Variants in CNTNAP1 observed in about 807,000 individuals in gnomAD.
CNTNAP1 encodes contactin-associated protein 1.
A neutral mutation model predicts 161.5 loss-of-function variants in CNTNAP1; 80 were observed. The ratio of observed to expected loss-of-function variants is 0.50; its 90% CI spans 0.41 to 0.60. The LOEUF is 0.60. Ranked by LOEUF, CNTNAP1 falls within the 20% of genes least tolerant of loss-of-function variation. The pLI, the probability that CNTNAP1 is intolerant of heterozygous loss-of-function variation, is 0.00. For missense variants in CNTNAP1, 1,464 were observed against 1,854.8 expected (o/e 0.79, Z 3.87); for synonymous variants, 695 against 733.1 (o/e 0.95, Z 0.84).
At position 42,685,541 on chromosome 17, in the gene CNTNAP1, A is replaced by G; in HGVS notation, c.715+121A>G. On this transcript the variant is annotated intron_variant, in intron 5 of 23. Transcript: ENST00000264638. This position sits in a 1 kb window ranked among gnomAD's most constrained non-coding sequence, Gnocchi z 5.0. ...GGTCTTCCACTTCTCTAAGGCCTGG[A>G]CCAAACTGCCCCTTTCTTGTAGCAT... The G allele has an allele frequency of 1.1e-6, 1 of 919,702 alleles. No homozygotes were observed. 57.0% of individuals were successfully genotyped at this position (919,702 alleles called of 1,614,324 possible).
In CNTNAP1 at chr17:42,683,899, C is replaced by G; in HGVS notation, c.146C>G (p.Ala49Gly). ...TCCTCCTACTACAGTCTCCTTACTG[C>G]GCCGAGATTCGCCAGGCTGCACGGT... ...GASSYYSLLT[A>G]PRFARLHGIS... Residue 49 changes from alanine to glycine, a missense_variant, in exon 2 of 24, where the codon GCG becomes GGG. Around this residue, in one of 3 missense-constraint regions of CNTNAP1, gnomAD observed 77 missense variants for 73.6 expected, o/e 1.05. Transcript: ENST00000264638. 1.2e-6 allele frequency: 2 copies of G among 1,613,682 alleles called. No individual in the cohort carries two copies. The highest frequency in any genetic ancestry group is 2.2e-5 in the South Asian group (2 of 91,084).
In CNTNAP1 at chr17:42,693,556, G is replaced by T. The variant is rs376191369; in HGVS notation, c.2992+20G>T. The T allele has an allele frequency of 6.2e-7, 1 of 1,608,422 alleles. No homozygotes were observed. Among genetic ancestry groups the T allele is most frequent in the Admixed American group, 1.7e-5 (1 of 59,948 alleles). On this transcript the variant is annotated intron_variant, in intron 18 of 23. Coordinates refer to ENST00000264638, the MANE Select transcript of CNTNAP1 (RefSeq NM_003632.3). ...ACCACGGTAAGTGCTGCTGGTTATG[G>T]GGCAACAGGGAGCCATAGGGTGTAA... is the stretch of plus-strand genomic sequence containing the variant.
In CNTNAP1 at chr17:42,690,764, G is replaced by A. The variant is rs2053075085; in HGVS notation, c.1881G>A (p.Arg627=). ...IRENRAWTVV[R]HDRLWTTRVT... is the part of the protein sequence containing the mutation. ...AGAACCGAGCGTGGACAGTTGTGCGGCATGACAGGCTGTGGACAACTCGAG... is the reference window on the plus strand; with the variant it reads ...AGAACCGAGCGTGGACAGTTGTGCGACATGACAGGCTGTGGACAACTCGAG... Residue 627 remains arginine (R), a synonymous_variant, in exon 13 of 24, where the codon CGG becomes CGA. Transcript: ENST00000264638. The A allele has an allele frequency of 6.2e-7, 1 of 1,614,084 alleles. No individual in the cohort carries two copies. The highest frequency in any genetic ancestry group is 1.3e-5 in the African/African-American group (1 of 74,926).
chr17:42,686,474 T>TTTTTTG (rs2053013119), intron 6 of CNTNAP1, among the ~76,000 whole-genome samples: 1 of 110,576 alleles, frequency 9.0e-6, no homozygotes, highest in Admixed American at 8.5e-5. Flanking sequence ...GGCCTGTTTT[T>TTTTTTG]TTTTTTTTTT....
chr17:42,698,546 T>G, intron 23 of CNTNAP1, 72 bp from the exon 24 acceptor site: 1 of 1,229,808 alleles, frequency 8.1e-7, no homozygotes, highest in Non-Finnish European at 1.1e-6. Flanking sequence ...TGTGTGTGTG[T>G]GTGTGTGTGT....
chr17:42,692,667 C>G lies in CNTNAP1; in HGVS notation c.2699C>G (p.Pro900Arg). Residue 900 changes from proline (P) to arginine (R), a missense_variant, in exon 17 of 24, where the codon CCT (proline) becomes CGT (arginine). Physicochemically the swap from Pro to Arg is moderately radical, Grantham distance 103. Around this residue, in one of 3 missense-constraint regions of CNTNAP1, gnomAD observed 1,383 missense variants for 1,765.0 expected, o/e 0.78. Coordinates refer to ENST00000264638, the MANE Select transcript of CNTNAP1 (RefSeq NM_003632.3). The part of the protein sequence containing the change: ...RVDHRPWVLR[P>R]MPLQTYIWME... The stretch of plus-strand genomic sequence containing the variant: ...GATCACCGGCCCTGGGTTCTGCGGC[C>G]TATGCCACTGCAGACCTACATCTGG... 2 of 1,614,174 alleles carry G rather than the reference C, an allele frequency of 1.2e-6. No individual in the cohort carries two copies. Among genetic ancestry groups the G allele is most frequent in the Non-Finnish European group, 1.7e-6 (2 of 1,180,028 alleles).
rs1173344930 is a variant in CNTNAP1 at position 42,687,176 on chromosome 17, G to A, written c.1044+130G>A. On this transcript the variant is annotated intron_variant, in intron 7 of 23. Transcript: ENST00000264638. The surrounding 1 kb of genome is among the most constrained non-coding windows in gnomAD (Gnocchi z 4.7). ...CCTCTGTCCCCAGCCAGATGCTCAAGTTGGGAGGGGAGCGGGTCTCACCTG... is the reference window on the plus strand; with the variant it reads ...CCTCTGTCCCCAGCCAGATGCTCAAATTGGGAGGGGAGCGGGTCTCACCTG... The A allele has an allele frequency of 1.5e-6, 2 of 1,333,726 alleles. No individual in the cohort carries two copies. The highest frequency in any genetic ancestry group is 1.0e-6 in the Non-Finnish European group (1 of 982,454). The allele number at this position is 1,333,726 out of a possible 1,614,324, so 82.6% of individuals were successfully genotyped here. A position where few individuals can be genotyped will look rare whatever the true frequency, so the allele number is the denominator to read the frequency against.
In CNTNAP1 at chr17:42,692,694, T is replaced by C. The variant is rs765906970; in HGVS notation, c.2726T>C (p.Met909Thr). 1.9e-6 allele frequency: 3 copies of C among 1,613,734 alleles called. No homozygotes were observed. Among genetic ancestry groups the C allele is most frequent in the East Asian group, 2.2e-5 (1 of 44,872 alleles). Residue 909 changes from methionine (M) to threonine (T), a missense_variant, in exon 17 of 24, where the codon ATG becomes ACG. By Grantham distance (81) the Met-to-Thr change is moderately conservative. Transcript: ENST00000264638. ...ATGCCACTGCAGACCTACATCTGGATGGAGTATGACCAGCCCCTCTATGTG... is the reference window on the plus strand; with the variant it reads ...ATGCCACTGCAGACCTACATCTGGACGGAGTATGACCAGCCCCTCTATGTG... ...RPMPLQTYIW[M>T]EYDQPLYVGS...
At position 42,689,633 on chromosome 17, in the gene CNTNAP1, C is replaced by A. The variant is rs776009772; in HGVS notation, c.1735+6C>A. The A allele has an allele frequency of 6.2e-7, 1 of 1,611,074 alleles. No individual in the cohort carries two copies. The highest frequency in any genetic ancestry group is 1.1e-5 in the South Asian group (1 of 90,982). ...GGGAGAGACCTGCCACACACGTAAGCCAGATGTGGTATGGGGGGAGTCAGG... is the reference window on the plus strand; with the variant it reads ...GGGAGAGACCTGCCACACACGTAAGACAGATGTGGTATGGGGGGAGTCAGG... On this transcript the variant is annotated splice_donor_region_variant and intron_variant, in intron 11 of 23. Coordinates refer to ENST00000264638, the MANE Select transcript of CNTNAP1 (RefSeq NM_003632.3).
intron 18 of CNTNAP1, 98 bp downstream of exon 18, chr17:42,693,634 AAAAT>A (rs2053119909): frequency 1.3e-6 from 2 of 1,513,840 alleles, no homozygotes; most frequent in Non-Finnish European, 1.8e-6. Flanking sequence ...CATATCATGG[AAAAT>A]TAGAGTTGTC....
At chr17:42,688,051 T>G in intron 8 of CNTNAP1, 70 bp downstream of exon 8, 1 of 1,553,178 alleles carries the variant, frequency 6.4e-7, no homozygotes, top group Non-Finnish European at 8.7e-7. Flanking sequence ...GTTGTAGGCC[T>G]GGACTGAGGC....
chr17:42,694,176 C>CTT (rs1335535599), intron 18 of CNTNAP1, among the ~76,000 whole-genome samples: 2 of 142,202 alleles, frequency 1.4e-5, no homozygotes, highest in African/African-American at 2.6e-5. Flanking sequence ...TTTCTTTTTT[C>CTT]TTTTTTTTTT....
chr17:42,688,861 G>C lies in CNTNAP1; in HGVS notation c.1457-15G>C. On this transcript the variant is annotated splice_polypyrimidine_tract_variant and intron_variant, in intron 9 of 23. Transcript: ENST00000264638. ...GTCTCCCCTGGGGAGGATCTCACAG[G>C]GGTGGTTGCTCCAGGTTGTCCCAAG... 6.2e-7 allele frequency: 1 copy of C among 1,613,708 alleles called. No homozygotes were observed. The highest frequency in any genetic ancestry group is 8.5e-7 in the Non-Finnish European group (1 of 1,179,900).
At position 42,687,863 on chromosome 17, in the gene CNTNAP1, G is replaced by T. The variant is rs776217314; in HGVS notation, c.1188G>T (p.Gly396=). 3.8e-5 allele frequency: 61 copies of T among 1,614,126 alleles called. No individual in the cohort carries two copies. The highest frequency in any genetic ancestry group is 4.8e-5 in the Non-Finnish European group (57 of 1,180,058). Reference sequence around the variant, plus strand: ...GCTTCCGCACCTGGGACCTCACCGGGCTTCTCCTTTTCTCCCGTCTGGGGG... The same window carrying T: ...GCTTCCGCACCTGGGACCTCACCGGTCTTCTCCTTTTCTCCCGTCTGGGGG... ...SFRFRTWDLT[G]LLLFSRLGDG... The change falls in exon 8 of 24, where the codon GGG becomes GGT. Residue 396 remains glycine, a synonymous_variant. Coordinates refer to ENST00000264638, the MANE Select transcript of CNTNAP1 (RefSeq NM_003632.3). The surrounding 1 kb of genome is among the most constrained non-coding windows in gnomAD (Gnocchi z 4.7).
At position 42,699,755 on chromosome 17, in the gene CNTNAP1, CT is replaced by C. The variant is rs1352147455; in HGVS notation, c.*846del. On this transcript the variant is annotated 3_prime_UTR_variant, in exon 24 of 24. Transcript: ENST00000264638. ...TGCAAAGTGTCTCTCTAGAGAAACT[CT>C]ATATATTATTCGAATTTTTAAATTA... 1 of 152,608 alleles carries C rather than the reference CT, an allele frequency of 6.6e-6. No individual in the cohort carries two copies. The highest frequency in any genetic ancestry group is 1.5e-5 in the Non-Finnish European group (1 of 68,042). 9.5% of individuals were successfully genotyped at this position (152,608 alleles called of 1,614,324 possible).
At chr17:42,683,415 T>C (rs2143643323) in intron 1 of CNTNAP1, 1 of 1,087,502 alleles carries the variant, frequency 9.2e-7, no homozygotes, top group Non-Finnish European at 1.1e-6. Context: ...GTGCAAGGCC[T>C]GTATTTGGGG....
In CNTNAP1 at chr17:42,686,899, G is replaced by A. The variant is rs759576402; in HGVS notation, c.901-4G>A. ...AGAGGCCTCATTCCCCACGCCTCCC[G>A]CAGATGTTCATCGGAGGTCTGGTGG... On this transcript the variant is annotated splice_region_variant and splice_polypyrimidine_tract_variant and intron_variant, in intron 6 of 23. Transcript: ENST00000264638. 5 of 1,596,942 alleles carry A rather than the reference G, an allele frequency of 3.1e-6. No homozygotes were observed. The highest frequency in any genetic ancestry group is 8.6e-7 in the Non-Finnish European group (1 of 1,166,814).
At chr17:42,686,192 T>A in intron 6 of CNTNAP1, 51 bp downstream of exon 6, 1 of 1,571,288 alleles carries the variant, frequency 6.4e-7, no homozygotes, top group Non-Finnish European at 8.8e-7. Context: ...GCTGGATGAG[T>A]GAGTGCAGGT....
intron 1 of CNTNAP1, 110 bp from the exon 2 acceptor site, chr17:42,683,711 G>A: frequency 6.8e-7 from 1 of 1,478,878 alleles, no homozygotes; most frequent in Non-Finnish European, 8.9e-7. Context: ...GTGCCTCTGG[G>A]GGCGGGGGTT....
Sources: allele counts gnomAD v4.1 joint callset (sites outside exome capture counted in the v4.1 genomes callset), GRCh38; gene constraint gnomAD v4.1.1; regional missense constraint gnomAD v4.1.1; non-coding constraint Gnocchi (gnomAD v3.1); transcripts MANE v1.5; gene names NCBI Gene and HGNC (gene_info 2026-07-23, HGNC 2026-07-21).